The following DOCK3 variants were observed in gnomAD, a reference collection of about 807,000 sequenced individuals.
The protein encoded by DOCK3 is dedicator of cytokinesis protein 3.
Under a neutral mutation model 265.6 loss-of-function variants are expected in DOCK3, and 60 were observed. The observed-to-expected ratio is 0.23, with a 90% CI of 0.18 to 0.28. The LOEUF (loss-of-function observed/expected upper bound fraction) is 0.28. Ranked by LOEUF, DOCK3 falls within the 10% of genes least tolerant of loss-of-function variation. DOCK3 has a pLI of 1.00. For missense variants in DOCK3, 1,981 were observed against 2,594.3 expected (o/e 0.76, Z 5.14); for synonymous variants, 881 against 938.0 (o/e 0.94, Z 1.11).
chr3:50,890,274 C>G (rs756737761), intron 4 of DOCK3, among the ~76,000 whole-genome samples, 193 bp downstream of exon 4: 1 of 151,810 alleles, frequency 6.6e-6, no homozygotes, highest in Admixed American at 6.6e-5. Flanking sequence ...TTCTTGTATA[C>G]GGAAGAAATG....
intron 14 of DOCK3, among the ~76,000 whole-genome samples, chr3:51,220,844 G>T (rs1348522367): frequency 6.6e-6 from 1 of 151,442 alleles, no homozygotes; most frequent in Non-Finnish European, 1.5e-5. Flanking sequence ...ACTTGTTTGG[G>T]CCTTCGCACA....
chr3:50,879,561 A>G (rs1029002403), intron 3 of DOCK3, among the ~76,000 whole-genome samples: 8 of 152,232 alleles, frequency 5.3e-5, no homozygotes, highest in African/African-American at 7.2e-5. Context: ...AAAGGGATCA[A>G]TTCAACAAGA....
In DOCK3 at chr3:50,812,643, C is replaced by T. The variant is rs116466410; in HGVS notation, c.122-29032C>T. ...GGCAGGCAGAGCAAATTCTCTCTTA[C>T]TCTGCCTTTTTGTTCTATTCAGGCT... is the stretch of plus-strand genomic sequence containing the variant. On this transcript the variant is annotated intron_variant, in intron 2 of 52. Transcript: ENST00000266037. Among the ~76,000 whole-genome samples, 205 of 152,310 alleles carry T rather than the reference C, an allele frequency of 1.3e-3. 1 individual carries two copies. Among genetic ancestry groups the T allele is most frequent in the African/African-American group, 4.7e-3 (194 of 41,572 alleles).
intron 1 of DOCK3, among the ~76,000 whole-genome samples, chr3:50,745,832 G>A (rs554853262): frequency 7.2e-5 from 11 of 152,126 alleles, no homozygotes; most frequent in South Asian, 2.1e-4. Flanking sequence ...TGTCCAGTTC[G>A]GCTCCAGGGT....
Position 50,744,436 on chromosome 3 carries a change from A to ATT in DOCK3, c.38-34224_38-34223dup, listed in dbSNP as rs36071655. 1.0e-3 allele frequency among the ~76,000 whole-genome samples: 137 copies of ATT among 131,832 alleles called. 1 individual carries two copies. Among genetic ancestry groups the ATT allele is most frequent in the Non-Finnish European group, 1.9e-3 (115 of 59,214 alleles). 86.5% of individuals were successfully genotyped at this position (131,832 alleles called of 152,430 possible). ...TAGCTCTTTGATCCATCTTCAGTTAATTTTTTTTTTTTTTTTGAGGCAGAG... is the reference window on the plus strand; with the variant it reads ...TAGCTCTTTGATCCATCTTCAGTTAATTTTTTTTTTTTTTTTTTGAGGCAGAG... On this transcript the variant is annotated intron_variant, in intron 1 of 52. Transcript: ENST00000266037.
chr3:50,701,979 A>G (rs2036071185), intron 1 of DOCK3, among the ~76,000 whole-genome samples: 1 of 152,164 alleles, frequency 6.6e-6, no homozygotes, highest in South Asian at 2.1e-4. Context: ...GCTTTGTAGT[A>G]TATTTTGAAG....
At chr3:51,157,947 AT>A (rs11289965) in intron 10 of DOCK3, among the ~76,000 whole-genome samples, 137,143 of 150,482 alleles carry the variant, frequency 0.91, 62,599 homozygotes, top group African/African-American at 0.95. Context: ...CTGGGACTAC[AT>A]TTTTTTTTTT....
At chr3:50,975,384 A>G (rs964001943) in intron 5 of DOCK3, among the ~76,000 whole-genome samples, 11 of 150,312 alleles carry the variant, frequency 7.3e-5, no homozygotes, top group African/African-American at 2.7e-4. Flanking sequence ...CCTTTTCCGC[A>G]TCTATTGAGA....
chr3:51,023,104 C>T lies in DOCK3; in HGVS notation c.316-41344C>T, dbSNP rs1409858983. On this transcript the variant is annotated intron_variant, in intron 5 of 52. Coordinates refer to ENST00000266037, the MANE Select transcript of DOCK3 (RefSeq NM_004947.5). ...AGGTAGATATCCAGATCTCTAACAACGCCAAGGAAGTTTTCCTCAATTATT... is the reference window on the plus strand; with the variant it reads ...AGGTAGATATCCAGATCTCTAACAATGCCAAGGAAGTTTTCCTCAATTATT... Among the ~76,000 whole-genome samples the T allele has an allele frequency of 1.1e-4, 16 of 152,262 alleles. No individual in the cohort carries two copies. The East Asian group carries it at 2.1e-3, about 20-fold the overall frequency.
chr3:50,929,661 C>T (rs962053401), intron 4 of DOCK3, among the ~76,000 whole-genome samples: 4 of 152,048 alleles, frequency 2.6e-5, no homozygotes, highest in Non-Finnish European at 4.4e-5. Context: ...GTTGCTACTA[C>T]GCTGAGATAT....
intron 5 of DOCK3, among the ~76,000 whole-genome samples, chr3:51,001,414 A>G (rs1252681097): frequency 6.6e-6 from 1 of 152,144 alleles, no homozygotes; most frequent in African/African-American, 2.4e-5. Flanking sequence ...ATCTTTTACC[A>G]TAGACTCTCC....
At chr3:50,843,425 G>A (rs2045935339) in intron 3 of DOCK3, among the ~76,000 whole-genome samples, 1 of 152,018 alleles carries the variant, frequency 6.6e-6, no homozygotes, top group African/African-American at 2.4e-5. Flanking sequence ...CTATTTCCAT[G>A]TGGCTTCACA....
At chr3:50,787,762 T>G in intron 2 of DOCK3, 1 of 1,157,062 alleles carries the variant, frequency 8.6e-7, no homozygotes, top group South Asian at 1.2e-5. Flanking sequence ...CTCCTTTTTC[T>G]TCTGCTTATC....
In DOCK3 at chr3:51,336,554, C is replaced by G. The variant is rs1387746689; in HGVS notation, c.3612-1805C>G. On this transcript the variant is annotated intron_variant, in intron 35 of 52. Coordinates refer to ENST00000266037, the MANE Select transcript of DOCK3 (RefSeq NM_004947.5). ...AGCCGGATGCTTCAGAAGCCTCTTTCTGGAGTCTTCCCTGCTCACCCTTCA... is the reference window on the plus strand; with the variant it reads ...AGCCGGATGCTTCAGAAGCCTCTTTGTGGAGTCTTCCCTGCTCACCCTTCA... Among the ~76,000 whole-genome samples, 3 of 152,200 alleles carry G rather than the reference C, an allele frequency of 2.0e-5. No individual in the cohort carries two copies. The East Asian group carries it at 5.8e-4, about 29-fold the overall frequency.
intron 12 of DOCK3, among the ~76,000 whole-genome samples, chr3:51,201,293 A>G (rs1475996499): frequency 2.6e-5 from 4 of 151,142 alleles, no homozygotes; most frequent in Non-Finnish European, 5.9e-5. Context: ...TCACGTGCAG[A>G]GACACACATA....
At chr3:51,299,318 C>T (rs892203647) in intron 27 of DOCK3, among the ~76,000 whole-genome samples, 14 of 151,702 alleles carry the variant, frequency 9.2e-5, no homozygotes, top group African/African-American at 3.1e-4. Flanking sequence ...GGATATTAGA[C>T]CTTTGTCAGA....
intron 10 of DOCK3, among the ~76,000 whole-genome samples, chr3:51,150,355 C>T (rs1213814748): frequency 9.2e-5 from 14 of 152,006 alleles, no homozygotes; most frequent in Non-Finnish European, 1.8e-4. Context: ...GCTCTGATCT[C>T]AGTTATTTCT....
chr3:50,931,751 A>G (rs2051079666), intron 4 of DOCK3, among the ~76,000 whole-genome samples: 1 of 152,190 alleles, frequency 6.6e-6, no homozygotes, highest in Non-Finnish European at 1.5e-5. Context: ...GGGTGAGAAA[A>G]GTGAGTCTCT....
At chr3:50,809,741 A>G (rs956124519) in intron 2 of DOCK3, among the ~76,000 whole-genome samples, 2 of 152,236 alleles carry the variant, frequency 1.3e-5, no homozygotes, top group African/African-American at 4.8e-5. Flanking sequence ...GCTACATACA[A>G]TACGATGACC....
Sources: gnomAD v4.1 joint callset for allele counts (sites outside exome capture counted in the v4.1 genomes callset) on GRCh38, gnomAD v4.1.1 for gene constraint, MANE v1.5 for transcripts, NCBI Gene and HGNC (gene_info 2026-07-23, HGNC 2026-07-21) for gene names.